The following SCAMP1 variants were observed in gnomAD, a reference collection of about 807,000 sequenced individuals.
SCAMP1 encodes the protein secretory carrier-associated membrane protein 1.
Under a neutral mutation model 41.8 loss-of-function variants are expected in SCAMP1, and 15 were observed. The ratio of observed to expected loss-of-function variants is 0.36; its 90% confidence interval spans 0.24 to 0.55. The LOEUF is 0.55. Ranked by LOEUF, SCAMP1 falls within the 20% of genes least tolerant of loss-of-function variation. The pLI, the probability that SCAMP1 is intolerant of heterozygous loss-of-function variation, is 0.86. For missense variants in SCAMP1, 341 were observed against 412.6 expected (o/e 0.83, Z 1.50); for synonymous variants, 135 against 136.8 (o/e 0.99, Z 0.09).
At chr5:78,442,089 G>C (rs182986811) in intron 6 of SCAMP1, among the ~76,000 whole-genome samples, 7 of 152,216 alleles carry the variant, frequency 4.6e-5, no homozygotes, top group Admixed American at 2.6e-4. Context: ...TGATCATGCT[G>C]CTGCACTCTA....
intron 2 of SCAMP1, among the ~76,000 whole-genome samples, chr5:78,404,979 A>C (rs1225562865): frequency 1.3e-5 from 2 of 152,212 alleles, no homozygotes; most frequent in African/African-American, 2.4e-5. Flanking sequence ...AATTACAGTT[A>C]AGGTTTTTCT....
intron 6 of SCAMP1, among the ~76,000 whole-genome samples, chr5:78,434,291 A>G (rs1752690713): frequency 6.6e-6 from 1 of 152,198 alleles, no homozygotes. Context: ...TTCCAGGTAA[A>G]CAAGTGCTAG....
At chr5:78,445,535 G>A (rs546549292) in intron 6 of SCAMP1, among the ~76,000 whole-genome samples, 1 of 152,230 alleles carries the variant, frequency 6.6e-6, no homozygotes, top group East Asian at 1.9e-4. Context: ...GGTTTAAAAT[G>A]GCTATGTTCA....
chr5:78,377,255 T>G (rs1751088547), intron 1 of SCAMP1, among the ~76,000 whole-genome samples: 1 of 152,206 alleles, frequency 6.6e-6, no homozygotes. Flanking sequence ...CTCTAGTAAT[T>G]GCTGTTCCCC....
At chr5:78,450,070 C>A in intron 7 of SCAMP1, 36 bp downstream of exon 7, 1 of 1,137,452 alleles carries the variant, frequency 8.8e-7, no homozygotes, top group East Asian at 2.4e-5. Context: ...CAGCTTTAAT[C>A]TAATATTGTA....
chr5:78,461,261 C>A (rs952430416), intron 8 of SCAMP1, among the ~76,000 whole-genome samples: 5 of 152,164 alleles, frequency 3.3e-5, no homozygotes, highest in Admixed American at 1.3e-4. Context: ...AGGCCAATGT[C>A]TAGAAGAGTA....
intron 1 of SCAMP1, among the ~76,000 whole-genome samples, chr5:78,369,307 A>G (rs529539179): frequency 3.7e-4 from 56 of 152,206 alleles, no homozygotes; most frequent in African/African-American, 1.3e-3. Flanking sequence ...GGGTTTCACC[A>G]TGTTGGCCAG....
chr5:78,370,172 G>GT (rs1228228459), intron 1 of SCAMP1, among the ~76,000 whole-genome samples: 11 of 152,154 alleles, frequency 7.2e-5, no homozygotes, highest in Non-Finnish European at 1.2e-4. Flanking sequence ...TTGCTAAACC[G>GT]TAAGTGTAAA....
chr5:78,407,924 C>T (rs532054936), intron 2 of SCAMP1, among the ~76,000 whole-genome samples: 2 of 152,258 alleles, frequency 1.3e-5, no homozygotes, highest in South Asian at 4.2e-4. Context: ...TTATTAAACA[C>T]ACCTGTTTTG....
At chr5:78,429,377 A>G (rs1265953377) in intron 6 of SCAMP1, among the ~76,000 whole-genome samples, 1 of 109,914 alleles carries the variant, frequency 9.1e-6, no homozygotes, top group African/African-American at 3.6e-5. Flanking sequence ...TTTTTTTATC[A>G]TTAATGGTGT....
intron 8 of SCAMP1, among the ~76,000 whole-genome samples, chr5:78,467,882 A>G (rs1753784999): frequency 6.6e-6 from 1 of 152,192 alleles, no homozygotes; most frequent in South Asian, 2.1e-4. Flanking sequence ...CTTGGTCAAA[A>G]CTGGCAGTTT....
rs1754030523 is a variant in SCAMP1, at chr5:78,477,396, C to G, written c.*1728C>G. ...CGATAATTTCTACCTATGTTCTCAA[C>G]CAACTTAGCCAGTTTGTTTTTCAGA... On this transcript the variant is annotated 3_prime_UTR_variant, in exon 9 of 9. Coordinates refer to ENST00000621999, the MANE Select transcript of SCAMP1 (RefSeq NM_004866.6). 1 of 152,134 alleles carries G rather than the reference C, an allele frequency of 6.6e-6. No individual in the cohort carries two copies. The highest frequency in any genetic ancestry group is 2.1e-4 in the South Asian group (1 of 4,834). 9.4% of individuals were successfully genotyped at this position (152,134 alleles called of 1,614,324 possible).
intron 2 of SCAMP1, among the ~76,000 whole-genome samples, chr5:78,402,196 G>GT (rs1293261771): frequency 3.5e-3 from 455 of 129,158 alleles, no homozygotes; most frequent in Admixed American, 5.6e-3. Flanking sequence ...TACTATATTT[G>GT]TTTTTTTTTT....
intron 1 of SCAMP1, among the ~76,000 whole-genome samples, chr5:78,363,734 A>G (rs1013349898): frequency 3.3e-5 from 5 of 152,104 alleles, no homozygotes; most frequent in African/African-American, 9.7e-5. Context: ...GTTTGAGTCT[A>G]TTCTCCTTAT....
intron 6 of SCAMP1, among the ~76,000 whole-genome samples, chr5:78,446,130 G>T (rs1188060086): frequency 1.3e-5 from 2 of 152,134 alleles, no homozygotes; most frequent in Non-Finnish European, 2.9e-5. Context: ...GTTTTCATTT[G>T]ATCAGTTTTG....
chr5:78,460,074 G>A (rs892868883), intron 8 of SCAMP1, among the ~76,000 whole-genome samples: 7 of 152,092 alleles, frequency 4.6e-5, no homozygotes, highest in African/African-American at 1.4e-4. Context: ...ATGTTGCTAC[G>A]AAGGACATAA....
chr5:78,369,354 G>A (rs1750884457), intron 1 of SCAMP1, among the ~76,000 whole-genome samples: 1 of 152,162 alleles, frequency 6.6e-6, no homozygotes, highest in African/African-American at 2.4e-5. Flanking sequence ...TGATCTGCCT[G>A]CCTTGGCCTC....
chr5:78,404,453 G>GTTTTTTTTTTTTTTTTTTTTTTT lies in SCAMP1; in HGVS notation c.136-11047_136-11046insTTTTTTTTTTTTTTTTTTTTTTT, dbSNP rs3058233. Among the ~76,000 whole-genome samples the GTTTTTTTTTTTTTTTTTTTTTTT allele has an allele frequency of 1.1e-3, 108 of 98,178 alleles. 11 individuals are homozygous for GTTTTTTTTTTTTTTTTTTTTTTT. The highest frequency in any genetic ancestry group is 4.4e-3 in the African/African-American group (97 of 22,236). 64.4% of individuals were successfully genotyped at this position (98,178 alleles called of 152,430 possible). On this transcript the variant is annotated intron_variant, in intron 2 of 8. Transcript: ENST00000621999. ...TGAGCCACTGTGCCCAGCCTTACAGGTTTTTTTTTTTTTTTTTTTTGCTAG... is the reference window on the plus strand; with the variant it reads ...TGAGCCACTGTGCCCAGCCTTACAGGTTTTTTTTTTTTTTTTTTTTTTTTTTTTTTTTTTTTTTTTTTTGCTAG...
chr5:78,455,776 C>T (rs1341111783), intron 7 of SCAMP1, among the ~76,000 whole-genome samples: 2 of 134,286 alleles, frequency 1.5e-5, no homozygotes, highest in African/African-American at 5.8e-5. Flanking sequence ...CTAATGTTGA[C>T]AGTGGGGTGT....
Sources: allele counts gnomAD v4.1 joint callset (sites outside exome capture counted in the v4.1 genomes callset), GRCh38; gene constraint gnomAD v4.1.1; transcripts MANE v1.5; gene names NCBI Gene and HGNC (gene_info 2026-07-23, HGNC 2026-07-21).